The following GRID2 variants were observed in gnomAD, a reference collection of about 807,000 sequenced individuals.
The protein encoded by GRID2 is glutamate receptor ionotropic, delta-2.
In GRID2, 33 loss-of-function variants were observed where a neutral mutation model predicts 114.8. That is an observed-to-expected ratio of 0.29 (90% CI 0.22 to 0.38). The LOEUF is 0.38. GRID2 is among the 10% of genes least tolerant of loss of function. GRID2 has a pLI of 1.00. For missense variants in GRID2, 1,184 were observed against 1,257.7 expected (o/e 0.94, Z 0.89); for synonymous variants, 505 against 449.9 (o/e 1.12, Z -1.55).
chr4:92,812,778 A>C (rs150430349), intron 2 of GRID2, among the ~76,000 whole-genome samples: 207 of 152,260 alleles, frequency 1.4e-3, no homozygotes, highest in African/African-American at 4.7e-3. Flanking sequence ...CATGTTTGAC[A>C]TTCCCATTCA....
intron 4 of GRID2, chr4:93,112,269 T>C (rs1281334783): frequency 6.6e-6 from 1 of 152,032 alleles, no homozygotes; most frequent in Non-Finnish European, 1.5e-5. Flanking sequence ...CTTCGTGTCA[T>C]GGGTTAGGAA....
In GRID2 at chr4:92,748,359, C is replaced by T. The variant is rs541134998; in HGVS notation, c.244+158073C>T. On this transcript the variant is annotated intron_variant, in intron 2 of 15. Coordinates refer to ENST00000282020, the MANE Select transcript of GRID2 (RefSeq NM_001510.4). ...ATTCAGGTTTGACATGGAGGACCAGCGACACCACCATCTCTGGTTTCTCTA... is the reference window on the plus strand; with the variant it reads ...ATTCAGGTTTGACATGGAGGACCAGTGACACCACCATCTCTGGTTTCTCTA... Among the ~76,000 whole-genome samples, 25 of 152,232 alleles carry T rather than the reference C, an allele frequency of 1.6e-4. 1 individual carries two copies. In the South Asian group the frequency reaches 1.7e-3, roughly 10 times the overall value.
intron 1 of GRID2, among the ~76,000 whole-genome samples, chr4:92,308,611 G>A (rs1725537965): frequency 6.6e-6 from 1 of 152,088 alleles, no homozygotes; most frequent in South Asian, 2.1e-4. Context: ...AATAAAAGGT[G>A]TCAACACATT....
chr4:92,771,619 A>T (rs1030821562), intron 2 of GRID2, among the ~76,000 whole-genome samples: 3 of 149,286 alleles, frequency 2.0e-5, no homozygotes, highest in African/African-American at 7.8e-5. Context: ...TCTTCCTTTG[A>T]TTATAAGTTT....
In GRID2 at chr4:92,870,156, G is replaced by A. The variant is rs2033586; in HGVS notation, c.245-214839G>A. On this transcript the variant is annotated intron_variant, in intron 2 of 15. Coordinates refer to ENST00000282020, the MANE Select transcript of GRID2 (RefSeq NM_001510.4). ...CTCAAGTTTGTGGTGAGCTGTGATCGTGCCACTCTACTCCAGCATGGGTGA... is the reference window on the plus strand; with the variant it reads ...CTCAAGTTTGTGGTGAGCTGTGATCATGCCACTCTACTCCAGCATGGGTGA... 2.8e-3 allele frequency among the ~76,000 whole-genome samples: 425 copies of A among 151,902 alleles called. 2 individuals carry two copies. Among genetic ancestry groups the A allele is most frequent in the African/African-American group, 9.5e-3 (392 of 41,430 alleles).
At chr4:93,130,417 C>A (rs971382678) in intron 4 of GRID2, among the ~76,000 whole-genome samples, 1 of 152,102 alleles carries the variant, frequency 6.6e-6, no homozygotes, top group Non-Finnish European at 1.5e-5. Context: ...GCAATCCAGC[C>A]TGGAGTACAG....
rs1384426082 is a variant in GRID2 at position 93,772,443 on chromosome 4, C to G, written c.2969C>G (p.Thr990Ser). 7 of 1,612,374 alleles carry G rather than the reference C, an allele frequency of 4.3e-6. No individual in the cohort carries two copies. The highest frequency in any genetic ancestry group is 3.3e-5 in the South Asian group (3 of 90,896). ...ATGTCATCTATTCCTTATCAACCAA[C>G]TCCTACCCTGGGGCTCAATCTGGGT... Reference protein sequence around the residue: ...KTMSSIPYQPTPTLGLNLGND... With the variant: ...KTMSSIPYQPSPTLGLNLGND... The change falls in exon 16 of 16, where the codon ACT (threonine) becomes AGT (serine). Residue 990 changes from threonine (T) to serine (S), a missense_variant. Physicochemically the swap from Thr to Ser is moderately conservative, Grantham distance 58. Coordinates refer to ENST00000282020, the MANE Select transcript of GRID2 (RefSeq NM_001510.4).
chr4:93,685,263 C>T (rs1309163080), intron 14 of GRID2, among the ~76,000 whole-genome samples: 2 of 152,016 alleles, frequency 1.3e-5, no homozygotes, highest in Non-Finnish European at 2.9e-5. Flanking sequence ...AATCTCAAAA[C>T]CTTACCGATT....
chr4:92,427,744 A>G (rs1476118163), intron 1 of GRID2, among the ~76,000 whole-genome samples: 1 of 151,862 alleles, frequency 6.6e-6, no homozygotes, highest in African/African-American at 2.4e-5. Flanking sequence ...TTAAATGAAT[A>G]TAATAAGCCC....
At chr4:92,499,284 C>T (rs1723554914) in intron 1 of GRID2, among the ~76,000 whole-genome samples, 2 of 152,112 alleles carry the variant, frequency 1.3e-5, no homozygotes, top group South Asian at 4.2e-4. Context: ...ATATCCTGCC[C>T]TACCAAAACT....
chr4:92,364,722 A>C (rs1374637440), intron 1 of GRID2, among the ~76,000 whole-genome samples: 1 of 152,010 alleles, frequency 6.6e-6, no homozygotes, highest in African/African-American at 2.4e-5. Flanking sequence ...CAGAGCTCCA[A>C]AAACAAAGGG....
rs757924739 is a variant in GRID2 at position 93,515,371 on chromosome 4, C to G, written c.2153C>G (p.Ser718Trp). The G allele has an allele frequency of 6.2e-7, 1 of 1,612,892 alleles. No individual in the cohort carries two copies. The highest frequency in any genetic ancestry group is 1.1e-5 in the South Asian group (1 of 91,048). ...CGGATGATCAACCGAAGCAATGGAT[C>G]GGAGAACAATGTTCTGGAGTCCCAG... Reference protein sequence around the residue: ...MWRMINRSNGSENNVLESQAG... With the variant: ...MWRMINRSNGWENNVLESQAG... The change falls in exon 13 of 16, where the codon TCG (serine) becomes TGG (tryptophan). Residue 718 changes from serine to tryptophan, a missense_variant. Around this residue, in one of 3 missense-constraint regions of GRID2, gnomAD observed 717 missense variants for 796.9 expected, o/e 0.90. Transcript: ENST00000282020.
At chr4:92,692,725 T>C (rs2149294197) in intron 2 of GRID2, among the ~76,000 whole-genome samples, 1 of 152,154 alleles carries the variant, frequency 6.6e-6, no homozygotes, top group African/African-American at 2.4e-5. Flanking sequence ...GCCAAGCATA[T>C]AGAAATGCAG....
At chr4:93,782,492 A>T (rs1232394894) in intron 1 of GRID2, among the ~76,000 whole-genome samples, 1 of 152,184 alleles carries the variant, frequency 6.6e-6, no homozygotes, top group East Asian at 1.9e-4. Flanking sequence ...CCACTAACAC[A>T]GTTAAGAGTA....
chr4:92,941,163 C>T (rs574819107), intron 2 of GRID2, among the ~76,000 whole-genome samples: 24 of 152,226 alleles, frequency 1.6e-4, no homozygotes, highest in African/African-American at 4.3e-4. Flanking sequence ...CTCCTTGTAC[C>T]TCTGGTAGAA....
intron 2 of GRID2, among the ~76,000 whole-genome samples, chr4:92,869,135 T>A (rs1417537521): frequency 6.6e-6 from 1 of 152,318 alleles, no homozygotes; most frequent in East Asian, 1.9e-4. Context: ...TAGGGGTAAA[T>A]TTTTCATCTG....
At chr4:92,309,808 C>T (rs1725603353) in intron 1 of GRID2, among the ~76,000 whole-genome samples, 2 of 151,666 alleles carry the variant, frequency 1.3e-5, no homozygotes, top group African/African-American at 2.4e-5. Context: ...AATACTTATT[C>T]TCTATGAATA....
At chr4:93,325,766 T>C (rs1757766493) in intron 8 of GRID2, among the ~76,000 whole-genome samples, 1 of 152,158 alleles carries the variant, frequency 6.6e-6, no homozygotes, top group African/African-American at 2.4e-5. Context: ...AAACCATTAT[T>C]AACATTCTTT....
chr4:93,790,586 C>T (rs1275135845), intron 1 of GRID2, among the ~76,000 whole-genome samples: 15 of 148,718 alleles, frequency 1.0e-4, no homozygotes, highest in African/African-American at 2.5e-4. Flanking sequence ...CTTGCTCTGT[C>T]GCCAGGCTGC....
Sources: gnomAD v4.1 joint callset for allele counts (sites outside exome capture counted in the v4.1 genomes callset) on GRCh38, gnomAD v4.1.1 for gene constraint, gnomAD v4.1.1 regional missense constraint, MANE v1.5 for transcripts, NCBI Gene and HGNC (gene_info 2026-07-23, HGNC 2026-07-21) for gene names.